Variants in ITFG1 observed in about 807,000 individuals in gnomAD.
ITFG1 encodes the protein T-cell immunomodulatory protein.
Under a neutral mutation model 81.8 loss-of-function variants are expected in ITFG1, and 34 were observed. The ratio of observed to expected loss-of-function variants is 0.42; its 90% CI spans 0.32 to 0.55. ITFG1 has a LOEUF of 0.55. ITFG1 is among the 20% of genes least tolerant of loss of function. ITFG1 has a pLI of 0.17. For synonymous variants in ITFG1, 285 were observed against 270.6 expected (o/e 1.05, Z -0.52); for missense variants, 672 against 755.4 (o/e 0.89, Z 1.29).
At chr16:47,170,083 T>C (rs1964938627) in intron 14 of ITFG1, among the ~76,000 whole-genome samples, 1 of 152,210 alleles carries the variant, frequency 6.6e-6, no homozygotes, top group African/African-American at 2.4e-5. Flanking sequence ...TGGATTTGCT[T>C]GGTAGTATTT....
At chr16:47,249,968 T>C (rs1966050694) in intron 12 of ITFG1, among the ~76,000 whole-genome samples, 2 of 152,236 alleles carry the variant, frequency 1.3e-5, no homozygotes, top group African/African-American at 4.8e-5. Context: ...ATAATGGTTT[T>C]AGTTGTGTTT....
intron 5 of ITFG1, among the ~76,000 whole-genome samples, chr16:47,434,628 G>GAAGA (rs1187061297): frequency 6.6e-6 from 1 of 152,170 alleles, no homozygotes; most frequent in Non-Finnish European, 1.5e-5. Flanking sequence ...AATCATTGTA[G>GAAGA]AAGACAGTGT....
chr16:47,241,439 T>C (rs1192851485), intron 12 of ITFG1, among the ~76,000 whole-genome samples: 1 of 152,190 alleles, frequency 6.6e-6, no homozygotes, highest in African/African-American at 2.4e-5. Flanking sequence ...ATCTGGAATA[T>C]ACATGCAACA....
chr16:47,339,304 T>A (rs1967749763), intron 8 of ITFG1, among the ~76,000 whole-genome samples: 1 of 152,220 alleles, frequency 6.6e-6, no homozygotes, highest in African/African-American at 2.4e-5. Context: ...TTTGGGCATA[T>A]ACCTAGCAGT....
At chr16:47,401,281 G>A (rs1596959021) in intron 6 of ITFG1, among the ~76,000 whole-genome samples, 1 of 152,280 alleles carries the variant, frequency 6.6e-6, no homozygotes, top group East Asian at 1.9e-4. Flanking sequence ...GAGGTTTTAA[G>A]GAAAGATAAT....
chr16:47,279,608 G>C (rs1416843132), intron 10 of ITFG1, among the ~76,000 whole-genome samples: 1 of 151,986 alleles, frequency 6.6e-6, no homozygotes, highest in Non-Finnish European at 1.5e-5. Flanking sequence ...AACTGATTTA[G>C]CTATTTTGGT....
chr16:47,460,863 C>T lies in ITFG1; in HGVS notation c.183G>A (p.Gln61=). 6.2e-7 allele frequency: 1 copy of T among 1,613,652 alleles called. No homozygotes were observed. The highest frequency in any genetic ancestry group is 8.5e-7 in the Non-Finnish European group (1 of 1,179,980). ...AAFGDLNSDK[Q]TDLFVLRERN... is the part of the protein sequence containing the mutation. ...TTTCCCGCAGCACGAAGAGATCCGT[C>T]TGCTTGTCGGAGTTGAGGTCCCCGA... Residue 61 remains glutamine (Q), a synonymous_variant, in exon 1 of 18, where the codon CAG becomes CAA. Transcript: ENST00000320640.
intron 17 of ITFG1, among the ~76,000 whole-genome samples, chr16:47,157,125 G>C (rs1246207389): frequency 2.0e-5 from 3 of 152,156 alleles, no homozygotes; most frequent in Non-Finnish European, 4.4e-5. Flanking sequence ...TTAAGTAAGA[G>C]AGATGAAGCT....
At chr16:47,460,147 AC>A (rs1969509984) in intron 1 of ITFG1, among the ~76,000 whole-genome samples, 1 of 152,256 alleles carries the variant, frequency 6.6e-6, no homozygotes, top group Admixed American at 6.5e-5. Context: ...TAAGGTGATG[AC>A]CAAGATGAGG....
chr16:47,219,985 C>T (rs1028702847), intron 13 of ITFG1, among the ~76,000 whole-genome samples: 2 of 152,202 alleles, frequency 1.3e-5, no homozygotes, highest in African/African-American at 4.8e-5. Context: ...CTTTGTACTA[C>T]ACACTACTTT....
intron 10 of ITFG1, among the ~76,000 whole-genome samples, chr16:47,284,085 G>T (rs1258347183): frequency 1.3e-5 from 2 of 152,124 alleles, no homozygotes; most frequent in East Asian, 3.8e-4. Flanking sequence ...GGCTGTCTAT[G>T]GCTTGGGAGG....
chr16:47,361,820 A>T (rs574372185), intron 8 of ITFG1, among the ~76,000 whole-genome samples: 1 of 152,192 alleles, frequency 6.6e-6, no homozygotes, highest in Non-Finnish European at 1.5e-5. Context: ...ATGGTTTCTG[A>T]CCACCTTTTA....
intron 8 of ITFG1, among the ~76,000 whole-genome samples, chr16:47,345,448 G>A (rs1186566435): frequency 3.9e-5 from 6 of 151,960 alleles, no homozygotes; most frequent in Non-Finnish European, 5.9e-5. Flanking sequence ...TTACAGATGC[G>A]TGCCACCACG....
intron 5 of ITFG1, among the ~76,000 whole-genome samples, chr16:47,429,162 C>G (rs1969061981): frequency 6.6e-6 from 1 of 152,208 alleles, no homozygotes; most frequent in South Asian, 2.1e-4. Flanking sequence ...AACCACAAAT[C>G]TGCATTCTGT....
At chr16:47,213,744 G>T (rs1413596006) in intron 14 of ITFG1, among the ~76,000 whole-genome samples, 1 of 152,180 alleles carries the variant, frequency 6.6e-6, no homozygotes, top group Non-Finnish European at 1.5e-5. Context: ...ATACATCCAT[G>T]GGCTGGGAGT....
At chr16:47,256,052 G>A (rs763840418) in intron 12 of ITFG1, among the ~76,000 whole-genome samples, 1 of 151,268 alleles carries the variant, frequency 6.6e-6, no homozygotes, top group African/African-American at 2.4e-5. Context: ...TTGACTTACT[G>A]CAACCTCTGC....
intron 6 of ITFG1, among the ~76,000 whole-genome samples, chr16:47,415,624 C>T (rs1968863920): frequency 6.6e-6 from 1 of 151,982 alleles, no homozygotes; most frequent in Admixed American, 6.6e-5. Context: ...AATTCCATTT[C>T]AATAATGTAA....
intron 5 of ITFG1, among the ~76,000 whole-genome samples, chr16:47,445,633 T>C (rs1335662779): frequency 6.6e-6 from 1 of 152,230 alleles, no homozygotes; most frequent in Non-Finnish European, 1.5e-5. Context: ...GAGTCTATCA[T>C]CTACTAACTC....
At chr16:47,178,960 A>G (rs924240198) in intron 14 of ITFG1, among the ~76,000 whole-genome samples, 21 of 152,266 alleles carry the variant, frequency 1.4e-4, no homozygotes, top group Admixed American at 1.2e-3. Context: ...TATACAGCCA[A>G]CAGACACATG....
Sources: gnomAD v4.1 joint callset for allele counts (sites outside exome capture counted in the v4.1 genomes callset) on GRCh38, gnomAD v4.1.1 for gene constraint, MANE v1.5 for transcripts, NCBI Gene and HGNC (gene_info 2026-07-23, HGNC 2026-07-21) for gene names.